Variants in TENM1 observed in about 807,000 individuals in gnomAD.
TENM1 encodes the protein teneurin-1.
Under a neutral mutation model 174.8 loss-of-function variants are expected in TENM1, and 35 were observed. The observed-to-expected ratio is 0.20, with a 90% CI of 0.15 to 0.27. The LOEUF (loss-of-function observed/expected upper bound fraction) is 0.27. Among genes scored for constraint, TENM1 ranks in the 10% least tolerant of loss-of-function variants. The pLI is 1.00. For synonymous variants in TENM1, 781 were observed against 798.7 expected, an observed-to-expected ratio of 0.98 and a Z score of 0.37; for missense variants, 1,633 against 2,130.1, an observed-to-expected ratio of 0.77 and a Z score of 4.59.
At chrX:124,913,898 G>A (rs953528309) in intron 1 of TENM1, among the ~76,000 whole-genome samples, 3 of 111,638 alleles carry the variant, frequency 2.7e-5, no homozygotes, top group African/African-American at 9.7e-5. Flanking sequence ...TTATTCTAGT[G>A]CTTGTCCTGT....
chrX:124,380,648 C>T (rs1334423599), exon 32 of TENM1: 8 of 1,209,900 alleles, frequency 6.6e-6, no homozygotes, highest in African/African-American at 3.5e-5. Flanking sequence ...ACCTTGTACC[C>T]GCCCAGTGCT....
intron 14 of TENM1, among the ~76,000 whole-genome samples, chrX:124,560,295 A>G (rs756291088): frequency 4.7e-4 from 50 of 106,996 alleles, no homozygotes; most frequent in African/African-American, 1.4e-3. Context: ...TTTAATACTT[A>G]TTACAACCCT....
At chrX:124,563,849 C>A in intron 12 of TENM1, 77 bp from the exon 16 acceptor site, 1 of 956,236 alleles carries the variant, frequency 1.0e-6, no homozygotes, top group Non-Finnish European at 1.4e-6. Flanking sequence ...AATGGTTTAC[C>A]ATCTGTTGCC....
the TENM1 span, among the ~76,000 whole-genome samples, chrX:124,984,801 A>T: frequency 3.6e-5 from 4 of 112,188 alleles, no homozygotes; most frequent in Non-Finnish European, 7.5e-5. Flanking sequence ...GAATAGAATA[A>T]GAATTTGGAA....
At chrX:124,922,049 AT>A (rs1038274504) in intron 1 of TENM1, among the ~76,000 whole-genome samples, 1 of 110,828 alleles carries the variant, frequency 9.0e-6, no homozygotes, top group Non-Finnish European at 1.9e-5. Flanking sequence ...ATTCCGATTC[AT>A]TTATTATTTA....
At chrX:125,156,052 A>G in the TENM1 span, among the ~76,000 whole-genome samples, 1 of 112,465 alleles carries the variant, frequency 8.9e-6, no homozygotes, top group East Asian at 2.8e-4. Context: ...ACCACAAAAA[A>G]GTAGGAAATT....
intron 1 of TENM1, among the ~76,000 whole-genome samples, chrX:124,954,733 G>A (rs890009120): frequency 9.0e-6 from 1 of 111,427 alleles, no homozygotes; most frequent in Non-Finnish European, 1.9e-5. Flanking sequence ...AAAAATATAT[G>A]CAAGCTCAGT....
At chrX:125,167,618 AG>A in the TENM1 span, among the ~76,000 whole-genome samples, 3 of 111,418 alleles carry the variant, frequency 2.7e-5, no homozygotes, top group Non-Finnish European at 5.7e-5. Flanking sequence ...GAGAAGACCT[AG>A]GGTTTCGCCC....
At chrX:125,189,781 G>A in the TENM1 span, among the ~76,000 whole-genome samples, 2 of 112,211 alleles carry the variant, frequency 1.8e-5, no homozygotes, top group African/African-American at 6.5e-5. Flanking sequence ...ATATGAATAT[G>A]CACATAATGT....
intron 11 of TENM1, among the ~76,000 whole-genome samples, chrX:124,613,848 CT>C (rs2050333694): frequency 1.8e-5 from 2 of 111,396 alleles, no homozygotes; most frequent in Admixed American, 1.9e-4. Context: ...CTACCCTCCT[CT>C]TTTGGGGTGA....
At chrX:124,877,655 C>A (rs748662370) in intron 3 of TENM1, among the ~76,000 whole-genome samples, 15 of 111,301 alleles carry the variant, frequency 1.3e-4, no homozygotes, top group Non-Finnish European at 2.5e-4. Flanking sequence ...CTCTCTGAAA[C>A]CCATTCATAG....
At chrX:124,594,819 T>C (rs2049850434) in intron 11 of TENM1, among the ~76,000 whole-genome samples, 1 of 112,206 alleles carries the variant, frequency 8.9e-6, no homozygotes, top group Non-Finnish European at 1.9e-5. Context: ...AACATTTGAA[T>C]CTCTGTTTTC....
At chrX:124,815,591 AT>A in intron 3 of TENM1, among the ~76,000 whole-genome samples, 1 of 111,541 alleles carries the variant, frequency 9.0e-6, no homozygotes, top group South Asian at 3.7e-4. Context: ...AACAGATTCT[AT>A]TTTTTTCTTT....
chrX:124,659,409 A>C (rs2148410062), intron 6 of TENM1, among the ~76,000 whole-genome samples: 1 of 112,306 alleles, frequency 8.9e-6, no homozygotes, highest in Admixed American at 9.4e-5. Flanking sequence ...ACTTAGGAAT[A>C]ATTCAGTAAA....
chrX:124,670,454 A>G (rs889111385), intron 6 of TENM1, among the ~76,000 whole-genome samples: 4 of 111,391 alleles, frequency 3.6e-5, no homozygotes, highest in African/African-American at 1.3e-4. Context: ...CTTATCTGCC[A>G]CCTCTGACCC....
intron 3 of TENM1, among the ~76,000 whole-genome samples, chrX:124,866,247 C>A: frequency 9.0e-6 from 1 of 111,659 alleles, no homozygotes; most frequent in Non-Finnish European, 1.9e-5. Context: ...CAAGGATAGG[C>A]CATATTTTAG....
At chrX:124,595,939 G>A (rs150358896) in intron 11 of TENM1, among the ~76,000 whole-genome samples, 1,617 of 111,692 alleles carry the variant, frequency 0.014, 31 homozygotes, top group African/African-American at 0.049. Flanking sequence ...AGTTTAGCAC[G>A]GGAAGCTGTA....
At chrX:124,941,611 T>C (rs1400787894) in intron 1 of TENM1, among the ~76,000 whole-genome samples, 3 of 112,254 alleles carry the variant, frequency 2.7e-5, no homozygotes, top group Non-Finnish European at 5.6e-5. Flanking sequence ...AAATTAGATA[T>C]TTCTATCTGG....
chrX:124,383,670 C>G (rs1481614188), exon 30 of TENM1: 1 of 1,207,761 alleles, frequency 8.3e-7, no homozygotes, highest in Non-Finnish European at 1.1e-6. Context: ...ATTTTGCCAA[C>G]TGGGTAGTTA....
Sources: allele counts gnomAD v4.1 joint callset (sites outside exome capture counted in the v4.1 genomes callset), GRCh38; gene constraint gnomAD v4.1.1; transcripts MANE v1.5; gene names NCBI Gene and HGNC (gene_info 2026-07-23, HGNC 2026-07-21).